TBX5: variants seen among roughly 807,000 people sequenced by gnomAD.
TBX5 encodes the protein T-box transcription factor TBX5.
TBX5 carries 8 observed loss-of-function variants against 51.1 expected under a neutral mutation model. The observed-to-expected ratio is 0.16, with a 90% CI of 0.09 to 0.28. The LOEUF (loss-of-function observed/expected upper bound fraction) is 0.28, where lower values mean the gene tolerates loss of function less well. Ranked by LOEUF, TBX5 falls within the 10% of genes least tolerant of loss-of-function variation. The pLI is 1.00. For missense variants in TBX5, 589 were observed against 671.7 expected, an observed-to-expected ratio of 0.88 and a Z score of 1.36; for synonymous variants, 302 against 266.4, an observed-to-expected ratio of 1.13 and a Z score of -1.30.
At chr12:114,359,523 A>G (rs1435711589) in intron 8 of TBX5, among the ~76,000 whole-genome samples, 1 of 152,232 alleles carries the variant, frequency 6.6e-6, no homozygotes, top group African/African-American at 2.4e-5. Flanking sequence ...AAAGTTGCAT[A>G]TTAAGAGTGG....
chr12:114,383,241 T>C (rs1460216674), intron 7 of TBX5, among the ~76,000 whole-genome samples: 1 of 152,042 alleles, frequency 6.6e-6, no homozygotes, highest in African/African-American at 2.4e-5. Flanking sequence ...CAGGGAAAGC[T>C]TCTTGAAGGA....
In TBX5 at chr12:114,356,506, G is replaced by T. The variant is rs1265469630; in HGVS notation, c.983-400C>A. 3.9e-5 allele frequency among the ~76,000 whole-genome samples: 6 copies of T among 152,114 alleles called. No individual in the cohort carries two copies. The East Asian group carries it at 1.2e-3, about 29-fold the overall frequency. ...GCTGCTCGGGAGGCCAAGGAAAAAG[G>T]ATCACTTGAGCCCAGGAGTTTGAGA... On this transcript the variant is annotated intron_variant, in intron 8 of 8. Coordinates refer to ENST00000405440, the MANE Select transcript of TBX5 (RefSeq NM_181486.4).
chr12:114,382,328 T>C (rs1392175549), intron 7 of TBX5, among the ~76,000 whole-genome samples: 1 of 151,548 alleles, frequency 6.6e-6, no homozygotes, highest in African/African-American at 2.4e-5. Context: ...AATCAATCAA[T>C]CAATAAGTAA....
intron 8 of TBX5, among the ~76,000 whole-genome samples, chr12:114,358,810 G>T (rs566712956): frequency 7.8e-6 from 1 of 128,924 alleles, no homozygotes; most frequent in African/African-American, 3.2e-5. Context: ...TGTTTGTTTG[G>T]AGGCTTGAAG....
At chr12:114,370,029 CAGATCACTTG>C (rs1869767382) in intron 7 of TBX5, among the ~76,000 whole-genome samples, 1 of 151,964 alleles carries the variant, frequency 6.6e-6, no homozygotes. Context: ...CTGAGGCAGG[CAGATCACTTG>C]AGATCAGGAG....
At chr12:114,401,696 T>G in intron 3 of TBX5, 130 bp downstream of exon 3, 18 of 781,902 alleles carry the variant, frequency 2.3e-5, no homozygotes, top group East Asian at 2.8e-5. Flanking sequence ...CTCCTCTCCT[T>G]TCTCTTCTTT....
At chr12:114,365,288 G>C (rs1255866654) in intron 8 of TBX5, among the ~76,000 whole-genome samples, 1 of 151,816 alleles carries the variant, frequency 6.6e-6, no homozygotes, top group Admixed American at 6.6e-5. Flanking sequence ...AGTCACAAGG[G>C]GTTTTCCTGC....
In TBX5 at chr12:114,398,787, G is replaced by C. The variant is rs1871598037; in HGVS notation, c.363-67C>G. 3 of 1,549,724 alleles carry C rather than the reference G, an allele frequency of 1.9e-6. No homozygotes were observed. The South Asian group carries it at 3.5e-5, about 18-fold the overall frequency. On this transcript the variant is annotated intron_variant, in intron 4 of 8. Coordinates refer to ENST00000405440, the MANE Select transcript of TBX5 (RefSeq NM_181486.4). ...TGGAGGTAGCGCACTGCACCGAAGC[G>C]TGCTTCAGTTCACGCACCAGGTGAG...
In TBX5 at chr12:114,355,144, A is replaced by T. The variant is rs1868802586; in HGVS notation, c.*388T>A. The T allele has an allele frequency of 8.7e-6, 3 of 343,806 alleles. No individual in the cohort carries two copies. Among genetic ancestry groups the T allele is most frequent in the Non-Finnish European group, 1.7e-5 (3 of 175,770 alleles). 21.3% of individuals were successfully genotyped at this position (343,806 alleles called of 1,614,324 possible). ...ACAATGTCAACATTAACACCAAGACAGGGACAGACTCCAACTACGCACTAG... is the reference window on the plus strand; with the variant it reads ...ACAATGTCAACATTAACACCAAGACTGGGACAGACTCCAACTACGCACTAG... On this transcript the variant is annotated 3_prime_UTR_variant, in exon 9 of 9. Transcript: ENST00000405440.
At chr12:114,359,866 T>A (rs1869137274) in intron 8 of TBX5, among the ~76,000 whole-genome samples, 1 of 152,224 alleles carries the variant, frequency 6.6e-6, no homozygotes, top group Non-Finnish European at 1.5e-5. Flanking sequence ...TGAGTTTTTA[T>A]CTTCCTTGCA....
At chr12:114,359,964 T>C (rs1351985294) in intron 8 of TBX5, among the ~76,000 whole-genome samples, 1 of 152,236 alleles carries the variant, frequency 6.6e-6, no homozygotes, top group African/African-American at 2.4e-5. Flanking sequence ...ATAGATAGCT[T>C]TCTGAAAGTT....
chr12:114,408,316 G>C, upstream of TBX5: 2 of 709,366 alleles, frequency 2.8e-6, no homozygotes, highest in Non-Finnish European at 3.5e-6. Context: ...ATAGAGCCAA[G>C]ATCGACTTTC....
chr12:114,403,679 G>A (rs1871984071), intron 2 of TBX5, 73 bp downstream of exon 2: 2 of 1,581,568 alleles, frequency 1.3e-6, no homozygotes, highest in East Asian at 2.2e-5. Context: ...GTCCCCGCAA[G>A]AGAAGCCGAG....
At chr12:114,357,413 C>T (rs1175600437) in intron 8 of TBX5, among the ~76,000 whole-genome samples, 1 of 152,166 alleles carries the variant, frequency 6.6e-6, no homozygotes, top group African/African-American at 2.4e-5. Flanking sequence ...AACCCAGACC[C>T]CAGGTTAAGA....
Position 114,405,721 on chromosome 12 carries a change from G to C in TBX5, c.-132C>G. 2.0e-6 allele frequency: 2 copies of C among 985,566 alleles called. No individual in the cohort carries two copies. The highest frequency in any genetic ancestry group is 2.4e-6 in the Non-Finnish European group (2 of 830,058). The allele number at this position is 985,566 out of a possible 1,614,324, so 61.1% of individuals were successfully genotyped here. A position where few individuals can be genotyped will look rare whatever the true frequency, so the allele number is the denominator to read the frequency against. The stretch of plus-strand genomic sequence containing the variant: ...CGGGGGAGCAGGCATGGTGGCTCCG[G>C]GGTTTATGCGGGGTTTACTGCTTAC... On this transcript the variant is annotated 5_prime_UTR_variant, in exon 1 of 9. Transcript: ENST00000405440.
intron 8 of TBX5, among the ~76,000 whole-genome samples, chr12:114,365,913 A>G (rs983290792): frequency 6.6e-6 from 1 of 152,158 alleles, no homozygotes; most frequent in African/African-American, 2.4e-5. Flanking sequence ...TGCATAAATG[A>G]ATACAATAGG....
intron 5 of TBX5, among the ~76,000 whole-genome samples, chr12:114,396,046 G>A (rs1185414736): frequency 6.6e-6 from 1 of 152,158 alleles, no homozygotes; most frequent in Non-Finnish European, 1.5e-5. Context: ...GGTTGTCTCT[G>A]TGACTTTGAT....
chr12:114,355,480 CCTCT>C lies in TBX5; in HGVS notation c.*48_*51del, dbSNP rs201961625. On this transcript the variant is annotated 3_prime_UTR_variant, in exon 9 of 9. Coordinates refer to ENST00000405440, the MANE Select transcript of TBX5 (RefSeq NM_181486.4). ...TGTCTCTCTCCTTCTCTCTCTTTCT[CCTCT>C]CTCTCTCTCTTTCTCTAGGAAATGT... The C allele has an allele frequency of 6.6e-6, 10 of 1,519,400 alleles. No individual in the cohort carries two copies. Among genetic ancestry groups the C allele is most frequent in the Admixed American group, 3.5e-5 (2 of 57,434 alleles). The allele number at this position is 1,519,400 out of a possible 1,614,324, so 94.1% of individuals were successfully genotyped here.
intron 8 of TBX5, among the ~76,000 whole-genome samples, chr12:114,365,167 G>GGT (rs1869445811): frequency 1.3e-5 from 1 of 77,602 alleles, no homozygotes; most frequent in African/African-American, 5.3e-5. Flanking sequence ...AATCATTTGT[G>GGT]ATGTGTGTGT....
Sources: gnomAD v4.1 joint callset for allele counts (sites outside exome capture counted in the v4.1 genomes callset) on GRCh38, gnomAD v4.1.1 for gene constraint, MANE v1.5 for transcripts, NCBI Gene and HGNC (gene_info 2026-07-23, HGNC 2026-07-21) for gene names.